Variants in GRM5 observed in about 807,000 individuals in gnomAD.
The protein encoded by GRM5 is metabotropic glutamate receptor 5.
In GRM5, 19 loss-of-function variants were observed where a neutral mutation model predicts 83.1. The observed-to-expected ratio is 0.23, with a 90% confidence interval of 0.16 to 0.34. The LOEUF is 0.34. GRM5 is among the 10% of genes least tolerant of loss of function. The pLI is 1.00. For synonymous variants in GRM5, 675 were observed against 633.6 expected, an observed-to-expected ratio of 1.07 and a Z score of -0.98; for missense variants, 1,160 against 1,588.3, an observed-to-expected ratio of 0.73 and a Z score of 4.58.
At chr11:88,730,434 T>C (rs981553844) in intron 3 of GRM5, among the ~76,000 whole-genome samples, 3 of 152,104 alleles carry the variant, frequency 2.0e-5, no homozygotes, top group African/African-American at 7.2e-5. Flanking sequence ...TATAAATTAG[T>C]TAAACCATTG....
intron 3 of GRM5, among the ~76,000 whole-genome samples, chr11:88,678,030 G>C (rs534439582): frequency 6.7e-6 from 1 of 149,420 alleles, no homozygotes; most frequent in African/African-American, 2.5e-5. Flanking sequence ...GATTACAAAC[G>C]TGATGCATTT....
intron 3 of GRM5, among the ~76,000 whole-genome samples, chr11:88,693,125 A>T (rs1481198271): frequency 2.7e-5 from 4 of 149,646 alleles, no homozygotes; most frequent in Non-Finnish European, 1.5e-5. Context: ...TACATAGCAC[A>T]GAAACAATTC....
chr11:88,693,779 C>G (rs1387299705), intron 3 of GRM5, among the ~76,000 whole-genome samples: 2 of 152,176 alleles, frequency 1.3e-5, no homozygotes, highest in Non-Finnish European at 2.9e-5. Context: ...ACTCCTCCTC[C>G]TCTGAGAAAA....
intron 4 of GRM5, among the ~76,000 whole-genome samples, chr11:88,652,088 G>T (rs958306961): frequency 2.0e-5 from 3 of 152,016 alleles, no homozygotes; most frequent in Non-Finnish European, 4.4e-5. Flanking sequence ...TGGTGTTCCA[G>T]CACCATGGGT....
At chr11:88,709,069 A>G (rs1941226955) in intron 3 of GRM5, among the ~76,000 whole-genome samples, 1 of 152,018 alleles carries the variant, frequency 6.6e-6, no homozygotes, top group South Asian at 2.1e-4. Context: ...CCATCTTGTA[A>G]AGATGAAAAT....
At chr11:89,059,827 T>A (rs1941950856) in intron 1 of GRM5, among the ~76,000 whole-genome samples, 1 of 152,112 alleles carries the variant, frequency 6.6e-6, no homozygotes, top group South Asian at 2.1e-4. Flanking sequence ...AATGTGCAGG[T>A]TTGTTACATA....
At chr11:88,723,990 A>G (rs1941611739) in intron 3 of GRM5, among the ~76,000 whole-genome samples, 2 of 152,294 alleles carry the variant, frequency 1.3e-5, no homozygotes, top group East Asian at 3.9e-4. Flanking sequence ...AGTGAACATT[A>G]TACTCAATAG....
intron 6 of GRM5, among the ~76,000 whole-genome samples, chr11:88,591,899 A>C (rs1384919317): frequency 6.6e-6 from 1 of 152,218 alleles, no homozygotes; most frequent in South Asian, 2.1e-4. Flanking sequence ...CTTGTCACAT[A>C]CTGTTATCCC....
At chr11:88,619,635 C>G (rs1417263223) in intron 4 of GRM5, among the ~76,000 whole-genome samples, 2 of 152,100 alleles carry the variant, frequency 1.3e-5, no homozygotes, top group Non-Finnish European at 2.9e-5. Context: ...GGCTAAGGAA[C>G]CACTGTTTAA....
chr11:88,991,427 G>A (rs1031178329), intron 2 of GRM5, among the ~76,000 whole-genome samples: 7 of 151,960 alleles, frequency 4.6e-5, no homozygotes, highest in African/African-American at 1.7e-4. Flanking sequence ...CGTGAAAACG[G>A]CCATACTGCC....
At chr11:88,885,774 A>G (rs1024638121) in intron 2 of GRM5, among the ~76,000 whole-genome samples, 1 of 152,122 alleles carries the variant, frequency 6.6e-6, no homozygotes, top group Non-Finnish European at 1.5e-5. Flanking sequence ...TACCTCATGA[A>G]AAGCAGCCCC....
At chr11:88,718,313 A>G (rs1393128551) in intron 3 of GRM5, among the ~76,000 whole-genome samples, 8 of 151,900 alleles carry the variant, frequency 5.3e-5, no homozygotes, top group African/African-American at 1.2e-4. Context: ...AGTACTTACA[A>G]TACAGTAAGC....
intron 2 of GRM5, among the ~76,000 whole-genome samples, chr11:88,958,031 T>C (rs1368129219): frequency 2.0e-5 from 3 of 151,852 alleles, no homozygotes; most frequent in African/African-American, 7.2e-5. Context: ...GTTGACAAGG[T>C]ATAGAATTTT....
chr11:88,890,122 C>CATCCCCAT (rs980791837), intron 2 of GRM5, among the ~76,000 whole-genome samples: 1 of 151,366 alleles, frequency 6.6e-6, no homozygotes, highest in Non-Finnish European at 1.5e-5. Context: ...AACATCCCCA[C>CATCCCCAT]ATCCCCACAT....
At chr11:88,770,147 T>TA (rs1317370943) in intron 3 of GRM5, among the ~76,000 whole-genome samples, 2 of 152,054 alleles carry the variant, frequency 1.3e-5, no homozygotes, top group African/African-American at 4.8e-5. Context: ...GCCTGACCTA[T>TA]ACTCATCAAA....
chr11:88,974,413 A>ATAGATAGATAGATAGATAGG (rs1284568963), intron 2 of GRM5, among the ~76,000 whole-genome samples: 30 of 151,798 alleles, frequency 2.0e-4, no homozygotes, highest in African/African-American at 7.2e-4. Context: ...AGATAGATAG[A>ATAGATAGATAGATAGATAGG]TAGATAGATA....
At position 88,580,586 on chromosome 11, in the gene GRM5, G is replaced by C. The variant is rs191912930; in HGVS notation, c.1690+10015C>G. On this transcript the variant is annotated intron_variant, in intron 7 of 9. Transcript: ENST00000305447. ...CCTTTTTTATCAGGGACAATGATAA[G>C]ATAGAAAAACAAATGGCAGGTGCTG... Among the ~76,000 whole-genome samples the C allele has an allele frequency of 1.3e-4, 20 of 152,290 alleles. No homozygotes were observed. The East Asian group carries it at 3.9e-3, about 29-fold the overall frequency.
At chr11:88,562,113 T>C (rs976350152) in intron 8 of GRM5, among the ~76,000 whole-genome samples, 1 of 152,048 alleles carries the variant, frequency 6.6e-6, no homozygotes, top group African/African-American at 2.4e-5. Context: ...AGAGGTTTAC[T>C]TGGAAAAAAA....
chr11:88,925,086 G>A (rs570709400), intron 2 of GRM5, among the ~76,000 whole-genome samples: 13 of 152,060 alleles, frequency 8.5e-5, no homozygotes, highest in South Asian at 8.3e-4. Context: ...ATAACTACAC[G>A]TGTTGTTGAA....
Sources: allele counts gnomAD v4.1 joint callset (sites outside exome capture counted in the v4.1 genomes callset), GRCh38; gene constraint gnomAD v4.1.1; transcripts MANE v1.5; gene names NCBI Gene and HGNC (gene_info 2026-07-23, HGNC 2026-07-21).